ROBO2: variants seen among roughly 807,000 people sequenced by gnomAD.
ROBO2 encodes the protein roundabout guidance receptor 2, also known as roundabout homolog 2.
In ROBO2, 53 loss-of-function variants were observed where a neutral mutation model predicts 160.8. The observed-to-expected ratio is 0.33, with a 90% CI of 0.26 to 0.41. ROBO2 has a LOEUF of 0.41. Ranked by LOEUF, ROBO2 falls within the 10% of genes least tolerant of loss-of-function variation. The pLI is 1.00. For missense variants in ROBO2, 1,577 were observed against 1,722.4 expected (o/e 0.92, Z 1.49); for synonymous variants, 664 against 611.7 (o/e 1.09, Z -1.26).
chr3:76,712,745 T>C (rs1347123644), intron 2 of ROBO2, among the ~76,000 whole-genome samples: 1 of 151,988 alleles, frequency 6.6e-6, no homozygotes. Flanking sequence ...TGAGGATACA[T>C]TATAGGAGCA....
chr3:77,609,542 T>C (rs1041337402), intron 21 of ROBO2, among the ~76,000 whole-genome samples: 1 of 151,722 alleles, frequency 6.6e-6, no homozygotes, highest in Non-Finnish European at 1.5e-5. Context: ...TTTGGAGGGT[T>C]TTTTTTCCCA....
At chr3:76,258,231 A>G (rs1386285818) in intron 2 of ROBO2, among the ~76,000 whole-genome samples, 1 of 152,010 alleles carries the variant, frequency 6.6e-6, no homozygotes, top group Non-Finnish European at 1.5e-5. Flanking sequence ...ATTTGAATCA[A>G]TTTTAATATT....
At chr3:76,996,573 C>T (rs1333185903) in intron 2 of ROBO2, among the ~76,000 whole-genome samples, 2 of 151,898 alleles carry the variant, frequency 1.3e-5, no homozygotes, top group Non-Finnish European at 2.9e-5. Context: ...ATTGATTCTT[C>T]CTACCCCTGA....
At chr3:76,791,657 G>C (rs572381574) in intron 2 of ROBO2, among the ~76,000 whole-genome samples, 1 of 151,616 alleles carries the variant, frequency 6.6e-6, no homozygotes, top group Admixed American at 6.6e-5. Flanking sequence ...CATGAGAGAG[G>C]CTTAGCTGAA....
chr3:76,591,025 T>G (rs1433537411), intron 2 of ROBO2, among the ~76,000 whole-genome samples: 3 of 152,104 alleles, frequency 2.0e-5, no homozygotes, highest in African/African-American at 7.2e-5. Flanking sequence ...GGTTTGGGGT[T>G]GCCTACTCCC....
At chr3:77,388,258 G>C (rs1183704403) in intron 2 of ROBO2, among the ~76,000 whole-genome samples, 2 of 151,968 alleles carry the variant, frequency 1.3e-5, no homozygotes, top group Admixed American at 6.6e-5. Context: ...CAAATGAAAA[G>C]ATTTTTGGCA....
intron 2 of ROBO2, among the ~76,000 whole-genome samples, chr3:76,747,185 C>A (rs1266868829): frequency 2.6e-5 from 4 of 152,070 alleles, no homozygotes; most frequent in African/African-American, 9.7e-5. Context: ...AAAATGTCTG[C>A]TTGTTTTTAC....
chr3:76,495,098 G>A (rs1452828504), intron 2 of ROBO2, among the ~76,000 whole-genome samples: 2 of 151,962 alleles, frequency 1.3e-5, no homozygotes, highest in Admixed American at 6.6e-5. Flanking sequence ...CCTCACGTGT[G>A]TTTGAAGTTA....
intron 9 of ROBO2, among the ~76,000 whole-genome samples, chr3:77,559,795 T>TTA (rs1259321357): frequency 1.3e-5 from 2 of 152,000 alleles, no homozygotes; most frequent in Non-Finnish European, 2.9e-5. Context: ...AGTTTTTACT[T>TTA]TATATATATA....
intron 2 of ROBO2, among the ~76,000 whole-genome samples, chr3:76,535,822 GAGA>G (rs1396131001): frequency 6.6e-6 from 1 of 152,110 alleles, no homozygotes; most frequent in Non-Finnish European, 1.5e-5. Context: ...AATTGAAAAG[GAGA>G]AGGACTTACC....
intron 2 of ROBO2, among the ~76,000 whole-genome samples, chr3:76,025,023 T>G (rs1046616847): frequency 1.7e-4 from 26 of 150,278 alleles, no homozygotes; most frequent in Admixed American, 4.0e-4. Context: ...TCTCTACAGT[T>G]TTTTATATAT....
At chr3:77,171,517 A>G (rs2079631197) in intron 2 of ROBO2, among the ~76,000 whole-genome samples, 1 of 152,262 alleles carries the variant, frequency 6.6e-6, no homozygotes, top group African/African-American at 2.4e-5. Flanking sequence ...ACTGGAAAGT[A>G]GATATTTGTA....
At chr3:76,591,234 A>T (rs1388385706) in intron 2 of ROBO2, among the ~76,000 whole-genome samples, 1 of 152,154 alleles carries the variant, frequency 6.6e-6, no homozygotes, top group African/African-American at 2.4e-5. Context: ...AAATCATAAG[A>T]AAGAGAAAAC....
At chr3:76,674,795 C>T (rs190792540) in intron 2 of ROBO2, among the ~76,000 whole-genome samples, 2 of 152,262 alleles carry the variant, frequency 1.3e-5, no homozygotes, top group African/African-American at 4.8e-5. Flanking sequence ...GGCAACCACA[C>T]ACTCACTAGC....
chr3:76,654,103 A>T (rs1200751185), intron 2 of ROBO2, among the ~76,000 whole-genome samples: 1 of 152,210 alleles, frequency 6.6e-6, no homozygotes, highest in Non-Finnish European at 1.5e-5. Context: ...GCACTCTGTC[A>T]TGCAGGCTTC....
chr3:77,352,033 A>G (rs1029175500), intron 2 of ROBO2, among the ~76,000 whole-genome samples: 4 of 151,630 alleles, frequency 2.6e-5, no homozygotes, highest in Non-Finnish European at 5.9e-5. Context: ...ATCAACATGG[A>G]ACATGCATAC....
At chr3:77,500,254 T>C (rs1252073723) in intron 5 of ROBO2, among the ~76,000 whole-genome samples, 2 of 152,232 alleles carry the variant, frequency 1.3e-5, no homozygotes, top group Non-Finnish European at 2.9e-5. Context: ...TTCCATTATT[T>C]TTAAAGCATA....
At chr3:77,572,449 A>G (rs749103752) in intron 13 of ROBO2, among the ~76,000 whole-genome samples, 1 of 151,920 alleles carries the variant, frequency 6.6e-6, no homozygotes. Flanking sequence ...AACTGGTAGC[A>G]TGAATGAGGA....
At chr3:76,801,226 G>C (rs996302615) in intron 2 of ROBO2, among the ~76,000 whole-genome samples, 1 of 152,188 alleles carries the variant, frequency 6.6e-6, no homozygotes, top group Non-Finnish European at 1.5e-5. Context: ...CATGCAGATA[G>C]AGAGTAGAGT....
Sources: gnomAD v4.1 joint callset for allele counts (sites outside exome capture counted in the v4.1 genomes callset) on GRCh38, gnomAD v4.1.1 for gene constraint, MANE v1.5 for transcripts, NCBI Gene and HGNC (gene_info 2026-07-23, HGNC 2026-07-21) for gene names.